The following LINGO2 variants were observed in gnomAD, a reference collection of about 807,000 sequenced individuals.
LINGO2 encodes the protein leucine-rich repeat and immunoglobulin-like domain-containing nogo receptor-interacting protein 2.
A neutral mutation model predicts 30.6 loss-of-function variants in LINGO2; 14 were observed. That is an observed-to-expected ratio of 0.46 (90% CI 0.30 to 0.72). The LOEUF (loss-of-function observed/expected upper bound fraction) is 0.72, where lower values mean the gene tolerates loss of function less well. LINGO2 is among the 30% of genes least tolerant of loss of function. LINGO2 has a pLI of 0.07. For synonymous variants in LINGO2, 317 were observed against 288.5 expected, an observed-to-expected ratio of 1.10 and a Z score of -1.00; for missense variants, 729 against 751.7, an observed-to-expected ratio of 0.97 and a Z score of 0.35.
At chr9:27,945,298 C>A (rs1823322150), downstream of LINGO2, among the ~76,000 whole-genome samples, 1 of 152,096 alleles carries the variant, frequency 6.6e-6, no homozygotes, top group Admixed American at 6.6e-5. Flanking sequence ...AGTCAGGCCT[C>A]AATGCAAATG....
chr9:29,129,793 T>C, the LINGO2 span, among the ~76,000 whole-genome samples: 6 of 152,094 alleles, frequency 3.9e-5, no homozygotes, highest in Non-Finnish European at 8.8e-5. Context: ...GACGTGTTTT[T>C]GGTAGGTAAG....
At chr9:28,005,013 T>C (rs1252707087) in intron 5 of LINGO2, among the ~76,000 whole-genome samples, 3 of 152,216 alleles carry the variant, frequency 2.0e-5, no homozygotes, top group African/African-American at 7.2e-5. Flanking sequence ...GCTGCCTTTG[T>C]TACGCAAGAA....
intron 2 of LINGO2, among the ~76,000 whole-genome samples, chr9:28,391,473 G>A (rs62559513): frequency 0.047 from 7,146 of 152,204 alleles, 246 homozygotes; most frequent in Non-Finnish European, 0.073. Flanking sequence ...TGTGAATCGG[G>A]AAATCATCTG....
chr9:28,728,863 C>T, the LINGO2 span, among the ~76,000 whole-genome samples: 6 of 152,032 alleles, frequency 3.9e-5, no homozygotes, highest in South Asian at 2.1e-4. Context: ...GTGCCAAGAA[C>T]GTCTGGACCT....
chr9:28,899,835 G>A, the LINGO2 span, among the ~76,000 whole-genome samples: 39 of 152,210 alleles, frequency 2.6e-4, 1 homozygote, highest in East Asian at 3.3e-3. Flanking sequence ...TTGCCCCATC[G>A]TCCAAGGCCA....
chr9:28,254,650 T>A (rs117002102), intron 4 of LINGO2, among the ~76,000 whole-genome samples: 2 of 152,082 alleles, frequency 1.3e-5, no homozygotes, highest in Non-Finnish European at 2.9e-5. Context: ...AAAGGTGCCA[T>A]AACATCTGTC....
At chr9:29,086,381 GT>G in the LINGO2 span, among the ~76,000 whole-genome samples, 2 of 151,154 alleles carry the variant, frequency 1.3e-5, no homozygotes, top group Non-Finnish European at 3.0e-5. Flanking sequence ...CTTTATCAAG[GT>G]TTTTTTTGGT....
chr9:28,801,583 A>C, the LINGO2 span, among the ~76,000 whole-genome samples: 1 of 152,086 alleles, frequency 6.6e-6, no homozygotes, highest in African/African-American at 2.4e-5. Flanking sequence ...TGTGGTTCAG[A>C]TCTACATTCC....
the LINGO2 span, among the ~76,000 whole-genome samples, chr9:28,830,745 C>CTCTT: frequency 9.4e-5 from 13 of 138,900 alleles, no homozygotes; most frequent in African/African-American, 3.0e-4. Flanking sequence ...CAGAAACCTT[C>CTCTT]TCTTGCCCCT....
At chr9:28,342,462 C>A (rs1461135666) in intron 3 of LINGO2, among the ~76,000 whole-genome samples, 1 of 152,128 alleles carries the variant, frequency 6.6e-6, no homozygotes, top group African/African-American at 2.4e-5. Context: ...AGTGACCCAC[C>A]AGCCCACCAG....
intron 4 of LINGO2, among the ~76,000 whole-genome samples, chr9:28,251,393 T>C (rs947312337): frequency 6.6e-6 from 1 of 152,178 alleles, no homozygotes; most frequent in African/African-American, 2.4e-5. Flanking sequence ...CTATTTTCCT[T>C]TGGATAAAGG....
intron 3 of LINGO2, among the ~76,000 whole-genome samples, chr9:28,364,831 G>A (rs1820595763): frequency 6.6e-6 from 1 of 152,244 alleles, no homozygotes; most frequent in South Asian, 2.1e-4. Context: ...TAATTTTTTA[G>A]ATCAGTTGTT....
At chr9:28,659,742 C>G (rs774553749) in intron 1 of LINGO2, among the ~76,000 whole-genome samples, 1 of 152,164 alleles carries the variant, frequency 6.6e-6, no homozygotes, top group Admixed American at 6.6e-5. Context: ...AGCCACCATG[C>G]TTGGCCAATG....
chr9:28,014,373 C>T (rs948324321), intron 4 of LINGO2, among the ~76,000 whole-genome samples: 1 of 152,100 alleles, frequency 6.6e-6, no homozygotes, highest in African/African-American at 2.4e-5. Flanking sequence ...CATTAGGCCC[C>T]TCCATACATA....
intron 1 of LINGO2, among the ~76,000 whole-genome samples, chr9:28,507,768 CATAAT>C (rs1209698865): frequency 6.6e-6 from 1 of 152,060 alleles, no homozygotes; most frequent in Non-Finnish European, 1.5e-5. Flanking sequence ...TCATGTACTA[CATAAT>C]ATGAGGCTGG....
chr9:29,181,388 C>T, the LINGO2 span, among the ~76,000 whole-genome samples: 1 of 151,856 alleles, frequency 6.6e-6, no homozygotes, highest in Non-Finnish European at 1.5e-5. Flanking sequence ...CCATCACTTA[C>T]GTATCATCAA....
chr9:28,404,839 T>C (rs1297346635), intron 2 of LINGO2, among the ~76,000 whole-genome samples: 2 of 151,884 alleles, frequency 1.3e-5, no homozygotes, highest in Non-Finnish European at 2.9e-5. Context: ...GAGTAGAAAG[T>C]AGTAGCTACT....
the LINGO2 span, among the ~76,000 whole-genome samples, chr9:28,874,016 G>A: frequency 6.6e-6 from 1 of 152,016 alleles, no homozygotes; most frequent in South Asian, 2.1e-4. Context: ...AATGGCTGAG[G>A]AAGAATGACA....
In LINGO2 at chr9:28,483,197, C is replaced by T. The variant is rs181828832; in HGVS notation, c.-364-7172G>A. On this transcript the variant is annotated intron_variant, in intron 1 of 5. Coordinates refer to ENST00000379992, the Ensembl canonical transcript of LINGO2. ...GATTGTTTCTCCTTAACTCTATTATCATCATTTGTCTAGCTCTTCACTACT... is the reference window on the plus strand; with the variant it reads ...GATTGTTTCTCCTTAACTCTATTATTATCATTTGTCTAGCTCTTCACTACT... 5.9e-5 allele frequency among the ~76,000 whole-genome samples: 9 copies of T among 152,188 alleles called. No homozygotes were observed. In the East Asian group the frequency reaches 1.5e-3, roughly 26 times the overall value.
Sources: allele counts gnomAD v4.1 joint callset (sites outside exome capture counted in the v4.1 genomes callset), GRCh38; gene constraint gnomAD v4.1.1; transcripts MANE v1.5; gene names NCBI Gene and HGNC (gene_info 2026-07-23, HGNC 2026-07-21).